Variants in NSD1 observed in about 807,000 individuals in gnomAD.
NSD1 encodes histone-lysine N-methyltransferase, H3 lysine-36 specific.
A neutral mutation model predicts 242.7 loss-of-function variants in NSD1; 26 were observed. That is an observed-to-expected ratio of 0.11 (90% CI 0.08 to 0.15). The LOEUF is 0.15. Among genes scored for constraint, NSD1 ranks in the 10% least tolerant of loss-of-function variants. The pLI is 1.00. For missense variants in NSD1, 2,495 were observed against 3,272.8 expected (o/e 0.76, Z 5.80); for synonymous variants, 1,106 against 1,178.1 (o/e 0.94, Z 1.25).
At chr5:177,229,855 T>C in intron 5 of NSD1, 1 of 262,790 alleles carries the variant, frequency 3.8e-6, no homozygotes, top group Non-Finnish European at 7.6e-6. Flanking sequence ...GTGATTCTCC[T>C]GTCTCACCCT....
intron 19 of NSD1, 55 bp from the exon 20 acceptor site, chr5:177,283,732 A>T (rs1759079068): frequency 6.3e-7 from 1 of 1,591,048 alleles, no homozygotes; most frequent in Non-Finnish European, 8.6e-7. Context: ...GTCAAATTTT[A>T]ATCCACAGCA....
chr5:177,167,396 T>G (rs1376866451), intron 2 of NSD1, among the ~76,000 whole-genome samples: 17 of 152,020 alleles, frequency 1.1e-4, no homozygotes, highest in African/African-American at 4.1e-4. Context: ...TTAGCCAGGC[T>G]TGGTGGCGCA....
At chr5:177,265,768 G>T in intron 14 of NSD1, 3 of 1,494,486 alleles carry the variant, frequency 2.0e-6, no homozygotes, top group Non-Finnish European at 2.8e-6. Flanking sequence ...ACAGGGACTC[G>T]GGTATGGTGG....
chr5:177,247,195 C>T (rs11948774), intron 10 of NSD1, among the ~76,000 whole-genome samples: 7,407 of 152,236 alleles, frequency 0.049, 201 homozygotes, highest in South Asian at 0.081. Context: ...TTTGGGAGGC[C>T]GAGGCGGGAA....
At chr5:177,270,032 T>A (rs1757825196) in intron 16 of NSD1, among the ~76,000 whole-genome samples, 1 of 152,234 alleles carries the variant, frequency 6.6e-6, no homozygotes, top group African/African-American at 2.4e-5. Context: ...TTTTTTTGAC[T>A]TATCAGTTGT....
rs529096633 is a variant in NSD1, at chr5:177,287,196, G to C, written c.6152-1623G>C. On this transcript the variant is annotated intron_variant, in intron 20 of 22. Transcript: ENST00000439151. ...CTTTCTGATTTAATTTAGCCTCTCT[G>C]TGATTACACTTACATAGTATATGTT... Among the ~76,000 whole-genome samples, 8 of 152,304 alleles carry C rather than the reference G, an allele frequency of 5.3e-5. No individual in the cohort carries two copies. The South Asian group carries it at 1.7e-3, about 32-fold the overall frequency.
chr5:177,257,061 A>G lies in NSD1; in HGVS notation c.4876A>G (p.Thr1626Ala), dbSNP rs1011228721. 27 of 1,613,802 alleles carry G rather than the reference A, an allele frequency of 1.7e-5. No individual in the cohort carries two copies. The highest frequency in any genetic ancestry group is 2.2e-5 in the Non-Finnish European group (26 of 1,179,934). Residue 1626 changes from threonine (T) to alanine (A), a missense_variant, in exon 13 of 23, where the codon ACT becomes GCT. This residue lies in a region of NSD1 where 32 missense variants were observed against 46.9 expected (regional missense o/e 0.68). Transcript: ENST00000439151. ...HEECVQKYPPTVMQNKGFRCS... is the reference protein window; with the variant it reads ...HEECVQKYPPAVMQNKGFRCS... The stretch of plus-strand genomic sequence containing the variant: ...AGAGTGTGTCCAGAAGTACCCACCC[A>G]CTGTTATGCAGAACAAGGGCTTCCG...
chr5:177,271,268 G>A (rs1757922967), intron 16 of NSD1, among the ~76,000 whole-genome samples: 1 of 152,152 alleles, frequency 6.6e-6, no homozygotes, highest in African/African-American at 2.4e-5. Flanking sequence ...GAAGAAGCTG[G>A]GGAGCAATGT....
At position 177,154,655 on chromosome 5, in the gene NSD1, A is replaced by G. The variant is rs75331352; in HGVS notation, c.927+18625A>G. On this transcript the variant is annotated intron_variant, in intron 2 of 22. Coordinates refer to ENST00000439151, the MANE Select transcript of NSD1 (RefSeq NM_022455.5). Reference sequence around the variant, plus strand: ...TTTTTCACATAATGGTGTATGTTGAAATCTTTCCATTTTAGAGCATAGCTT... The same window carrying G: ...TTTTTCACATAATGGTGTATGTTGAGATCTTTCCATTTTAGAGCATAGCTT... Among the ~76,000 whole-genome samples the G allele has an allele frequency of 8.9e-3, 1,359 of 152,064 alleles. 12 individuals are homozygous for G. The highest frequency in any genetic ancestry group is 0.01 in the Non-Finnish European group (702 of 67,980).
intron 2 of NSD1, among the ~76,000 whole-genome samples, chr5:177,160,374 C>G (rs59737888): frequency 6.6e-6 from 1 of 151,792 alleles, no homozygotes; most frequent in African/African-American, 2.4e-5. Flanking sequence ...ACTCTAGGCT[C>G]GCTGCAGCCT....
chr5:177,266,247 TCTC>T (rs1239680483), intron 14 of NSD1: 3 of 788,058 alleles, frequency 3.8e-6, no homozygotes, highest in African/African-American at 3.4e-5. Flanking sequence ...GGGAGCTCTA[TCTC>T]CTCCACCTTC....
chr5:177,265,914 C>A, intron 14 of NSD1: 3 of 1,453,960 alleles, frequency 2.1e-6, no homozygotes, highest in Non-Finnish European at 1.9e-6. Context: ...TCCACCTTGA[C>A]GGTGTAGATG....
chr5:177,159,159 C>T (rs1184365108), intron 2 of NSD1, among the ~76,000 whole-genome samples: 1 of 151,030 alleles, frequency 6.6e-6, no homozygotes, highest in Non-Finnish European at 1.5e-5. Flanking sequence ...TCTTGTACCT[C>T]AGCCTCCCGA....
intron 2 of NSD1, among the ~76,000 whole-genome samples, chr5:177,152,746 G>A (rs1367686952): frequency 6.6e-6 from 1 of 151,036 alleles, no homozygotes; most frequent in Non-Finnish European, 1.5e-5. Context: ...TTACAGGCGT[G>A]AGCCACTGCG....
Position 177,210,141 on chromosome 5 carries a change from A to C in NSD1, c.1742A>C (p.Glu581Ala), listed in dbSNP as rs1349843681. 1 of 1,613,450 alleles carries C rather than the reference A, an allele frequency of 6.2e-7. No individual in the cohort carries two copies. The highest frequency in any genetic ancestry group is 8.5e-7 in the Non-Finnish European group (1 of 1,179,770). ...SSCGKNTAKK[E>A]FETSNGDSLL... ...TGTGGAAAAAACACTGCAAAGAAAG[A>C]ATTTGAGACTTCAAATGGTGACTCT... Residue 581 changes from glutamate to alanine, a missense_variant, in exon 5 of 23, where the codon GAA becomes GCA. By Grantham distance (107) the Glu-to-Ala change is moderately radical. Around this residue, in one of 19 missense-constraint regions of NSD1, gnomAD observed 515 missense variants for 467.0 expected, o/e 1.10. Coordinates refer to ENST00000439151, the MANE Select transcript of NSD1 (RefSeq NM_022455.5).
intron 5 of NSD1, among the ~76,000 whole-genome samples, chr5:177,224,537 G>A (rs569708574): frequency 7.3e-5 from 11 of 151,108 alleles, no homozygotes; most frequent in East Asian, 1.9e-4. Context: ...TTATTTTATC[G>A]TGCAACTTTG....
At chr5:177,207,422 A>C (rs1762966085) in intron 4 of NSD1, among the ~76,000 whole-genome samples, 1 of 151,366 alleles carries the variant, frequency 6.6e-6, no homozygotes, top group Admixed American at 6.6e-5. Flanking sequence ...AGCTGGGACT[A>C]CAGGTGTCCG....
chr5:177,242,368 A>G (rs1290246049), intron 8 of NSD1, among the ~76,000 whole-genome samples: 1 of 152,170 alleles, frequency 6.6e-6, no homozygotes, highest in African/African-American at 2.4e-5. Context: ...TTTACTTGAA[A>G]TAGACTTCTG....
Position 177,267,569 on chromosome 5 carries a change from C to G in NSD1, c.5154C>G (p.Ser1718Arg), listed in dbSNP as rs1043343803. Residue 1718 changes from serine to arginine, a missense_variant, in exon 15 of 23, where the codon AGC (serine) becomes AGG (arginine). Around this residue, in one of 19 missense-constraint regions of NSD1, gnomAD observed 31 missense variants for 120.2 expected, o/e 0.26. Coordinates refer to ENST00000439151, the MANE Select transcript of NSD1 (RefSeq NM_022455.5). ...ATTTTTTTATTCCCACAGGAGGCAG[C>G]CTTCTGTGCTGTGATTCTTGCCCTG... ...SWCFVCSEGGSLLCCDSCPAA... is the reference protein window; with the variant it reads ...SWCFVCSEGGRLLCCDSCPAA... 6.2e-7 allele frequency: 1 copy of G among 1,614,024 alleles called. No individual in the cohort carries two copies. Among genetic ancestry groups the G allele is most frequent in the South Asian group, 1.1e-5 (1 of 91,074 alleles).
Sources: allele counts gnomAD v4.1 joint callset (sites outside exome capture counted in the v4.1 genomes callset), GRCh38; gene constraint gnomAD v4.1.1; regional missense constraint gnomAD v4.1.1; transcripts MANE v1.5; gene names NCBI Gene and HGNC (gene_info 2026-07-23, HGNC 2026-07-21).